MGST2: variants seen among roughly 807,000 people sequenced by gnomAD.
The protein encoded by MGST2 is microsomal glutathione S-transferase 2, also known as glutathione peroxidase MGST2.
In MGST2, 9 loss-of-function variants were observed where a neutral mutation model predicts 16.6. That is an observed-to-expected ratio of 0.54 (90% CI 0.33 to 0.95). The LOEUF (loss-of-function observed/expected upper bound fraction) is 0.95. Ranked by LOEUF, MGST2 falls within the 40% of genes least tolerant of loss-of-function variation. The pLI is 0.03. For missense variants in MGST2, 159 were observed against 175.1 expected (o/e 0.91, Z 0.52); for synonymous variants, 79 against 68.0 (o/e 1.16, Z -0.79).
rs796159478 is a variant in MGST2 at position 139,734,382 on chromosome 4, G to T, written c.*49-5830G>T. Among the ~76,000 whole-genome samples, 368 of 152,248 alleles carry T rather than the reference G, an allele frequency of 2.4e-3. 2 individuals carry two copies. The highest frequency in any genetic ancestry group is 8.4e-3 in the African/African-American group (350 of 41,550). ...TATTTTTAGTTGTAATTACTGGCTTGTTCTCCAATCCACTCCTTGCCCAAC... is the reference window on the plus strand; with the variant it reads ...TATTTTTAGTTGTAATTACTGGCTTTTTCTCCAATCCACTCCTTGCCCAAC... On this transcript the variant is annotated intron_variant, in intron 5 of 5. Coordinates refer to the MGST2 transcript ENST00000616265.
chr4:139,746,396 G>A, the MGST2 span, among the ~76,000 whole-genome samples: 1 of 152,024 alleles, frequency 6.6e-6, no homozygotes, highest in Non-Finnish European at 1.5e-5. Context: ...TCACCAACTT[G>A]GAGACTGAGT....
rs1560735157 is a variant in MGST2 at position 139,672,363 on chromosome 4, A to C, written c.59-6180A>C. Among the ~76,000 whole-genome samples, 3 of 152,276 alleles carry C rather than the reference A, an allele frequency of 2.0e-5. No homozygotes were observed. The South Asian group carries it at 6.2e-4, about 32-fold the overall frequency. ...GCATGTTAGAAGCAATGGTAATAGC[A>C]GGTGCAGAGTGGCCAAGTCCTCATT... On this transcript the variant is annotated intron_variant, in intron 1 of 4. Transcript: ENST00000265498.
downstream of MGST2, among the ~76,000 whole-genome samples, chr4:139,706,822 G>C (rs186619722): frequency 6.6e-6 from 1 of 152,084 alleles, no homozygotes; most frequent in Admixed American, 6.5e-5. Context: ...GCAACCTTTT[G>C]ATTATTTTCA....
chr4:139,743,273 T>C (rs1729220843), downstream of MGST2, among the ~76,000 whole-genome samples: 5 of 152,204 alleles, frequency 3.3e-5, no homozygotes, highest in Admixed American at 3.3e-4. Flanking sequence ...GGCAGGGTGA[T>C]TAATGCTGGA....
chr4:139,715,065 C>G lies in MGST2; in HGVS notation c.*48+10869C>G, dbSNP rs998360518. On this transcript the variant is annotated intron_variant, in intron 5 of 5. Transcript: ENST00000616265. This position sits in a 1 kb window ranked among gnomAD's most constrained non-coding sequence, Gnocchi z 4.4. ...AAGAGGGGCCTCTAACCCGCTAAAT[C>G]TTAGAAGGGACTCTAACTCTCCTAA... Among the ~76,000 whole-genome samples the G allele has an allele frequency of 1.3e-5, 2 of 152,184 alleles. No homozygotes were observed. Among genetic ancestry groups the G allele is most frequent in the Non-Finnish European group, 2.9e-5 (2 of 68,030 alleles).
chr4:139,730,480 T>A (rs1728659630), intron 5 of MGST2: 1 of 1,553,066 alleles, frequency 6.4e-7, no homozygotes, highest in Admixed American at 2.0e-5. Flanking sequence ...CAGGAACTGT[T>A]GCTTCTGCTG....
chr4:139,688,822 G>A (rs544803546), intron 2 of MGST2, among the ~76,000 whole-genome samples: 3 of 152,204 alleles, frequency 2.0e-5, no homozygotes, highest in South Asian at 4.1e-4. Context: ...ATAAAGGGCT[G>A]GGGGCTGGGC....
At chr4:139,713,473 CAGAAAAAAAA>C (rs1426207961) in intron 5 of MGST2, among the ~76,000 whole-genome samples, 6 of 4,120 alleles carry the variant, frequency 1.5e-3, no homozygotes, top group Admixed American at 4.4e-3. Context: ...AGTGGCAAGA[CAGAAAAAAAA>C]AAAAAAAAAA....
intron 5 of MGST2, among the ~76,000 whole-genome samples, chr4:139,729,607 G>A (rs1331305294): frequency 6.6e-6 from 1 of 152,160 alleles, no homozygotes; most frequent in African/African-American, 2.4e-5. Flanking sequence ...TCTCTGTGCA[G>A]ACCCTCACAG....
chr4:139,724,942 A>C (rs1303927479), intron 5 of MGST2, among the ~76,000 whole-genome samples: 1 of 152,000 alleles, frequency 6.6e-6, no homozygotes, highest in African/African-American at 2.4e-5. Flanking sequence ...GCATTTTTAG[A>C]GAGACAGGGT....
rs188876050 is a variant in MGST2 at position 139,703,781 on chromosome 4, A to G, written c.312-235A>G. Among the ~76,000 whole-genome samples, 78 of 152,338 alleles carry G rather than the reference A, an allele frequency of 5.1e-4. 1 individual carries two copies. The East Asian group carries it at 0.012, about 24-fold the overall frequency. On this transcript the variant is annotated intron_variant, in intron 4 of 4. Coordinates refer to ENST00000265498, the MANE Select transcript of MGST2 (RefSeq NM_002413.5). ...GCAAAAATTTTGCATTGTCTCCAGA[A>G]AGTTACCGAGGAAATAATCCTGCCT...
chr4:139,749,426 G>A, the MGST2 span, among the ~76,000 whole-genome samples: 6 of 152,268 alleles, frequency 3.9e-5, no homozygotes, highest in East Asian at 5.8e-4. Flanking sequence ...AGATCTAAGC[G>A]AAATCTGATT....
At chr4:139,749,767 T>C in the MGST2 span, among the ~76,000 whole-genome samples, 12 of 152,206 alleles carry the variant, frequency 7.9e-5, no homozygotes, top group African/African-American at 2.4e-4. Flanking sequence ...TCTCACTACA[T>C]AGATGAATAA....
the MGST2 span, among the ~76,000 whole-genome samples, chr4:139,748,076 A>G: frequency 7.6e-6 from 1 of 131,228 alleles, no homozygotes; most frequent in African/African-American, 2.7e-5. Context: ...AAAAAAAAAA[A>G]GAATGCACAT....
At chr4:139,670,103 G>A (rs1730592778) in intron 1 of MGST2, among the ~76,000 whole-genome samples, 1 of 152,114 alleles carries the variant, frequency 6.6e-6, no homozygotes. Flanking sequence ...AGGTAGATAA[G>A]GGAGTTTCAG....
chr4:139,700,772 T>C (rs944587834), intron 3 of MGST2, among the ~76,000 whole-genome samples: 4 of 152,218 alleles, frequency 2.6e-5, no homozygotes, highest in African/African-American at 9.6e-5. Context: ...GAGGGCTTTC[T>C]CCAAACTTGG....
At chr4:139,745,833 A>G in the MGST2 span, among the ~76,000 whole-genome samples, 9 of 152,370 alleles carry the variant, frequency 5.9e-5, no homozygotes, top group East Asian at 1.3e-3. Context: ...TATACTGTGA[A>G]TATTTTCAAA....
intron 2 of MGST2, among the ~76,000 whole-genome samples, chr4:139,687,911 A>G (rs1726332428): frequency 6.6e-6 from 1 of 152,210 alleles, no homozygotes; most frequent in African/African-American, 2.4e-5. Flanking sequence ...ATTTTTTAAA[A>G]TTGTGAAAAT....
At chr4:139,716,267 G>A (rs1253647226) in intron 5 of MGST2, among the ~76,000 whole-genome samples, 3 of 152,202 alleles carry the variant, frequency 2.0e-5, no homozygotes, top group Non-Finnish European at 1.5e-5. Context: ...GCCAGGCCAT[G>A]GTTTGAGATG....
Sources: allele counts gnomAD v4.1 joint callset (sites outside exome capture counted in the v4.1 genomes callset), GRCh38; gene constraint gnomAD v4.1.1; non-coding constraint Gnocchi (gnomAD v3.1); transcripts MANE v1.5; gene names NCBI Gene and HGNC (gene_info 2026-07-23, HGNC 2026-07-21).